Variants in THRB observed in about 807,000 individuals in gnomAD.
THRB encodes thyroid hormone receptor beta.
In THRB, 12 loss-of-function variants were observed where a neutral mutation model predicts 47.8. That is an observed-to-expected ratio of 0.25 (90% CI 0.16 to 0.41). THRB has a LOEUF of 0.41. THRB is among the 10% of genes least tolerant of loss of function. THRB has a pLI of 1.00. For missense variants in THRB, 348 were observed against 589.2 expected (o/e 0.59, Z 4.24); for synonymous variants, 218 against 212.2 (o/e 1.03, Z -0.24).
At chr3:24,448,003 C>A (rs1028986603) in intron 1 of THRB, among the ~76,000 whole-genome samples, 4 of 152,028 alleles carry the variant, frequency 2.6e-5, no homozygotes, top group Admixed American at 6.6e-5. Flanking sequence ...CGAATTCTTT[C>A]TTTCTTTGAA....
intron 3 of THRB, among the ~76,000 whole-genome samples, chr3:24,289,571 C>G (rs891870990): frequency 1.8e-4 from 28 of 152,086 alleles, no homozygotes; most frequent in Non-Finnish European, 1.2e-4. Context: ...GGACCAAGAA[C>G]TAAAATACAA....
intron 5 of THRB, among the ~76,000 whole-genome samples, chr3:24,157,816 C>A (rs983434104): frequency 6.6e-6 from 1 of 152,194 alleles, no homozygotes; most frequent in Admixed American, 6.5e-5. Context: ...CAGGCATGAG[C>A]CACAGTGCTC....
At chr3:24,170,830 G>A (rs1457984243) in intron 5 of THRB, among the ~76,000 whole-genome samples, 4 of 151,816 alleles carry the variant, frequency 2.6e-5, no homozygotes, top group Admixed American at 1.3e-4. Context: ...AAAGATGGAG[G>A]ACTCTCTGCA....
At chr3:24,447,202 A>T (rs1357616096) in intron 1 of THRB, among the ~76,000 whole-genome samples, 1 of 152,224 alleles carries the variant, frequency 6.6e-6, no homozygotes, top group East Asian at 1.9e-4. Flanking sequence ...TTTATTTTTA[A>T]AATTTAATTA....
At chr3:24,414,675 A>T (rs1255107199) in intron 1 of THRB, among the ~76,000 whole-genome samples, 1 of 151,888 alleles carries the variant, frequency 6.6e-6, no homozygotes, top group East Asian at 2.0e-4. Flanking sequence ...CGTAATTCCT[A>T]TACTAAATGA....
chr3:24,467,385 C>T (rs750187169), intron 1 of THRB, among the ~76,000 whole-genome samples: 8 of 152,180 alleles, frequency 5.3e-5, no homozygotes, highest in African/African-American at 1.4e-4. Flanking sequence ...CCAGGAATCA[C>T]GAATATCCTT....
At chr3:24,209,059 T>C (rs183325586) in intron 4 of THRB, among the ~76,000 whole-genome samples, 1 of 152,304 alleles carries the variant, frequency 6.6e-6, no homozygotes, top group African/African-American at 2.4e-5. Flanking sequence ...GAAGACATTT[T>C]TGCAGCCAAC....
intron 2 of THRB, among the ~76,000 whole-genome samples, chr3:24,331,330 A>C (rs990319483): frequency 2.0e-5 from 3 of 152,196 alleles, no homozygotes; most frequent in African/African-American, 4.8e-5. Flanking sequence ...TAAGAAAGGG[A>C]AAAAGGGAGA....
chr3:24,132,028 G>T (rs2033939807), intron 9 of THRB, among the ~76,000 whole-genome samples: 1 of 152,108 alleles, frequency 6.6e-6, no homozygotes, highest in African/African-American at 2.4e-5. Context: ...TCAGAAATTG[G>T]CAATGAGAAG....
At chr3:24,306,562 T>G (rs543720693) in intron 2 of THRB, among the ~76,000 whole-genome samples, 1 of 152,196 alleles carries the variant, frequency 6.6e-6, no homozygotes, top group African/African-American at 2.4e-5. Context: ...CTGGCTAAAA[T>G]CGACTCTAGG....
intron 10 of THRB, among the ~76,000 whole-genome samples, chr3:24,125,500 G>A (rs919148296): frequency 1.2e-4 from 18 of 152,298 alleles, no homozygotes; most frequent in African/African-American, 2.2e-4. Context: ...TATAATTCCC[G>A]TGTATGTAGC....
intron 1 of THRB, among the ~76,000 whole-genome samples, chr3:24,412,969 C>A (rs1489111809): frequency 6.6e-6 from 1 of 151,502 alleles, no homozygotes. Context: ...TACCATTTTC[C>A]ACTTATCAAT....
Position 24,122,070 on chromosome 3 carries a change from A to G in THRB, c.*814T>C, listed in dbSNP as rs542290263. On this transcript the variant is annotated 3_prime_UTR_variant, in exon 11 of 11. Transcript: ENST00000646209. The stretch of plus-strand genomic sequence containing the variant: ...CCCTGTAAATAGGTTTGATTTCTGT[A>G]AAAGTGTTCTCTGAGCCTAAATGGG... The G allele has an allele frequency of 6.5e-6, 1 of 152,790 alleles. No homozygotes were observed. The highest frequency in any genetic ancestry group is 2.1e-4 in the South Asian group (1 of 4,822). 9.5% of individuals were successfully genotyped at this position (152,790 alleles called of 1,614,324 possible).
chr3:24,491,790 A>G (rs1374453685), intron 1 of THRB, among the ~76,000 whole-genome samples: 3 of 152,204 alleles, frequency 2.0e-5, no homozygotes, highest in Non-Finnish European at 4.4e-5. Context: ...AGCACTGGCA[A>G]TGCTTCTGGA....
At chr3:24,351,400 G>C (rs2063346006) in intron 1 of THRB, among the ~76,000 whole-genome samples, 1 of 152,098 alleles carries the variant, frequency 6.6e-6, no homozygotes, top group African/African-American at 2.4e-5. Context: ...CACTTACTAA[G>C]ATGGTTTCCC....
chr3:24,365,974 G>T (rs374929003), intron 1 of THRB, among the ~76,000 whole-genome samples: 1 of 152,114 alleles, frequency 6.6e-6, no homozygotes, highest in Non-Finnish European at 1.5e-5. Context: ...TATTCTAATC[G>T]GGCGTATTTT....
chr3:24,160,656 G>A (rs1327734066), intron 5 of THRB, among the ~76,000 whole-genome samples: 1 of 152,162 alleles, frequency 6.6e-6, no homozygotes, highest in Non-Finnish European at 1.5e-5. Flanking sequence ...ATAACCAAGT[G>A]GGCACCGGTG....
chr3:24,368,451 G>A (rs765203153), intron 1 of THRB, among the ~76,000 whole-genome samples: 1 of 152,036 alleles, frequency 6.6e-6, no homozygotes, highest in African/African-American at 2.4e-5. Context: ...AAGACATAAG[G>A]CACTAGAAAA....
chr3:24,232,002 T>C (rs2048308009), intron 3 of THRB, among the ~76,000 whole-genome samples: 4 of 152,184 alleles, frequency 2.6e-5, no homozygotes, highest in Admixed American at 2.0e-4. Flanking sequence ...TAATGAAGGA[T>C]TGACACCTAG....
Sources: allele counts gnomAD v4.1 joint callset (sites outside exome capture counted in the v4.1 genomes callset), GRCh38; gene constraint gnomAD v4.1.1; transcripts MANE v1.5; gene names NCBI Gene and HGNC (gene_info 2026-07-23, HGNC 2026-07-21).